Variants in PRPF8 observed in about 807,000 individuals in gnomAD.
PRPF8 encodes the protein pre-mRNA-processing-splicing factor 8.
PRPF8 carries 64 observed loss-of-function variants against 285.9 expected under a neutral mutation model. That is an observed-to-expected ratio of 0.22 (90% CI 0.18 to 0.28). The LOEUF is 0.28. Among genes scored for constraint, PRPF8 ranks in the 10% least tolerant of loss-of-function variants. The pLI, the probability that PRPF8 is intolerant of heterozygous loss-of-function variation, is 1.00. For missense variants in PRPF8, 1,426 were observed against 3,026.7 expected (o/e 0.47, Z 12.41); for synonymous variants, 1,325 against 1,118.2 (o/e 1.18, Z -3.69).
Position 1,682,038 on chromosome 17 carries a change from C to T in PRPF8, c.435G>A (p.Gly145=), listed in dbSNP as rs1045076287. 1.2e-6 allele frequency: 2 copies of T among 1,613,870 alleles called. No homozygotes were observed. Among genetic ancestry groups the T allele is most frequent in the Non-Finnish European group, 1.7e-6 (2 of 1,180,012 alleles). The change falls in exon 5 of 43, where the codon GGG becomes GGA. Residue 145 remains glycine (G), a splice_region_variant and synonymous_variant. Transcript: ENST00000304992. ...CTCGGCGCATCATAATCCACATTGACCTGGAAGGCAAGACATCACACAACC... is the reference window on the plus strand; with the variant it reads ...CTCGGCGCATCATAATCCACATTGATCTGGAAGGCAAGACATCACACAACC... The part of the protein sequence containing the change: ...VIEPVYISQW[G]SMWIMMRREK...
At chr17:1,657,041 G>A (rs371265647) in intron 34 of PRPF8, among the ~76,000 whole-genome samples, 1 of 152,076 alleles carries the variant, frequency 6.6e-6, no homozygotes, top group Non-Finnish European at 1.5e-5. Flanking sequence ...AAGGCTACTA[G>A]GATCAGAAAA....
chr17:1,681,605 T>A lies in PRPF8; in HGVS notation c.739A>T (p.Thr247Ser). ...TLYRLANQLL[T>S]DLVDDNYFYL... ...AAGTAGTTGTCATCCACCAAGTCTG[T>A]CAGGAGCTGATTAGCCAGGCGGTAG... The change falls in exon 6 of 43, where the codon ACA (threonine) becomes TCA (serine). Residue 247 changes from threonine (T) to serine (S), a missense_variant. Thr to Ser is a moderately conservative substitution (Grantham distance 58, BLOSUM62 1). Transcript: ENST00000304992. 1 of 1,614,038 alleles carries A rather than the reference T, an allele frequency of 6.2e-7. No individual in the cohort carries two copies.
Position 1,684,521 on chromosome 17 carries a change from A to C in PRPF8, c.51T>G (p.Pro17=), listed in dbSNP as rs1913128852. 1 of 1,612,452 alleles carries C rather than the reference A, an allele frequency of 6.2e-7. No homozygotes were observed. The highest frequency in any genetic ancestry group is 1.7e-5 in the Admixed American group (1 of 60,004). ...ACATGTAGTCCGGTAGCGGGGCTAG[A>C]GGGCCAGGCACCGGGTTACCCGGCC... The part of the protein sequence containing the change: ...YRGPGNPVPG[P]LAPLPDYMSE... Residue 17 remains proline (P), a synonymous_variant, in exon 2 of 43, where the codon CCT becomes CCG. Coordinates refer to ENST00000304992, the MANE Select transcript of PRPF8 (RefSeq NM_006445.4).
In PRPF8 at chr17:1,673,983, C is replaced by T. The variant is rs1365962583; in HGVS notation, c.3300-91G>A. On this transcript the variant is annotated intron_variant, in intron 21 of 42. Coordinates refer to ENST00000304992, the MANE Select transcript of PRPF8 (RefSeq NM_006445.4). The surrounding 1 kb of genome is among the most constrained non-coding windows in gnomAD (Gnocchi z 5.5). Reference sequence around the variant, plus strand: ...CCAGCTCAATAGACGGAGACCCCACCCCATCCTACCCCCACCCTCCCCGGG... The same window carrying T: ...CCAGCTCAATAGACGGAGACCCCACTCCATCCTACCCCCACCCTCCCCGGG... The T allele has an allele frequency of 2.1e-5, 29 of 1,394,028 alleles. No homozygotes were observed. Among genetic ancestry groups the T allele is most frequent in the Non-Finnish European group, 2.9e-5 (29 of 996,218 alleles). The allele number at this position is 1,394,028 out of a possible 1,614,324, so 86.4% of individuals were successfully genotyped here. A position where few individuals can be genotyped will look rare whatever the true frequency, so the allele number is the denominator to read the frequency against.
At chr17:1,684,425 A>G (rs751976476) in intron 2 of PRPF8, 47 bp downstream of exon 2, 1 of 1,602,834 alleles carries the variant, frequency 6.2e-7, no homozygotes, top group Non-Finnish European at 8.5e-7. Context: ...GCGCGCGCAC[A>G]CCCGCCCCGC....
In PRPF8 at chr17:1,679,594, A is replaced by G. The variant is rs759548926; in HGVS notation, c.1289+15T>C. The G allele has an allele frequency of 3.7e-6, 6 of 1,612,676 alleles. No individual in the cohort carries two copies. The highest frequency in any genetic ancestry group is 5.1e-6 in the Non-Finnish European group (6 of 1,179,852). ...CATCCACTATCATTCCCCCTGCCAC[A>G]GGGAAAAACCTTACCAGTTCTTGAC... On this transcript the variant is annotated intron_variant, in intron 9 of 42. Coordinates refer to ENST00000304992, the MANE Select transcript of PRPF8 (RefSeq NM_006445.4). The surrounding 1 kb of genome is among the most constrained non-coding windows in gnomAD (Gnocchi z 4.7).
At chr17:1,652,591 G>A (rs2151110460) in intron 39 of PRPF8, 1 of 154,048 alleles carries the variant, frequency 6.5e-6, no homozygotes, top group South Asian at 2.0e-4. Flanking sequence ...TGTCACCCAG[G>A]CTAGCAGGCA....
In PRPF8 at chr17:1,676,358, T is replaced by C. The variant is rs1405401561; in HGVS notation, c.2401A>G (p.Ile801Val). Residue 801 changes from isoleucine (I) to valine (V), a missense_variant, in exon 17 of 43, where the codon ATC (isoleucine) becomes GTC (valine). This residue lies in a region of PRPF8 where 70 missense variants were observed against 273.7 expected (regional missense o/e 0.26). Coordinates refer to ENST00000304992, the MANE Select transcript of PRPF8 (RefSeq NM_006445.4). The surrounding 1 kb of genome is among the most constrained non-coding windows in gnomAD (Gnocchi z 6.3). ...ACTGCCACTGCTTCCTCCGCTGTGA[T>C]GTAAGGCCCGTCCTGTAAGGTGGAC... Reference protein sequence around the residue: ...QHNYLKDGPYITAEEAVAVYT... With the variant: ...QHNYLKDGPYVTAEEAVAVYT... The C allele has an allele frequency of 1.9e-6, 3 of 1,614,074 alleles. No individual in the cohort carries two copies. Among genetic ancestry groups the C allele is most frequent in the Admixed American group, 1.7e-5 (1 of 60,002 alleles).
intron 24 of PRPF8, among the ~76,000 whole-genome samples, chr17:1,668,240 G>C (rs1445740593): frequency 6.6e-6 from 1 of 151,766 alleles, no homozygotes; most frequent in African/African-American, 2.4e-5. Flanking sequence ...CCACTCCTCA[G>C]CCTCTAACTT....
rs771125934 is a variant in PRPF8 at position 1,675,822 on chromosome 17, A to T, written c.2680-10T>A. The T allele has an allele frequency of 6.2e-7, 1 of 1,614,184 alleles. No individual in the cohort carries two copies. Among genetic ancestry groups the T allele is most frequent in the Non-Finnish European group, 8.5e-7 (1 of 1,180,016 alleles). On this transcript the variant is annotated splice_polypyrimidine_tract_variant and intron_variant, in intron 18 of 42. Transcript: ENST00000304992. This position sits in a 1 kb window ranked among gnomAD's most constrained non-coding sequence, Gnocchi z 6.0. ...TGAACTCAATGCCCACCTGTGGGAC[A>T]AGGAGGCTGGTTCACACCAATCCAC...
chr17:1,652,002 G>A (rs1911102430), intron 39 of PRPF8: 1 of 662,324 alleles, frequency 1.5e-6, no homozygotes, highest in East Asian at 2.7e-5. Flanking sequence ...CTCCTGAGTG[G>A]GGTCCAGGAA....
chr17:1,669,261 C>T (rs960500796), intron 24 of PRPF8, among the ~76,000 whole-genome samples: 5 of 152,278 alleles, frequency 3.3e-5, no homozygotes, highest in South Asian at 2.1e-4. Flanking sequence ...CACCCGCCAC[C>T]GCGCCTGGCT....
chr17:1,659,798 G>GA lies in PRPF8; in HGVS notation c.4946+42dup, dbSNP rs781424166. 2.1e-5 allele frequency: 33 copies of GA among 1,605,840 alleles called. No homozygotes were observed. In the South Asian group the frequency reaches 2.4e-4, roughly 12 times the overall value. On this transcript the variant is annotated intron_variant, in intron 31 of 42. Transcript: ENST00000304992. This position sits in a 1 kb window ranked among gnomAD's most constrained non-coding sequence, Gnocchi z 5.1. ...TGCAGGGCTAGAAGAACAGGAAAAC[G>GA]AAAGTGTCCTGGCTGCCTAGGGCTG...
chr17:1,657,489 CA>C (rs1177972456), intron 34 of PRPF8, among the ~76,000 whole-genome samples: 1 of 150,938 alleles, frequency 6.6e-6, no homozygotes, highest in East Asian at 2.0e-4. Context: ...ACTAAAAATA[CA>C]AAAAATTTAG....
chr17:1,672,813 A>G, intron 24 of PRPF8: 1 of 566,910 alleles, frequency 1.8e-6, no homozygotes, highest in Non-Finnish European at 3.2e-6. Context: ...TTCTGTTCAA[A>G]ATAATAAATC....
At chr17:1,670,166 T>C (rs1567684915) in intron 24 of PRPF8, among the ~76,000 whole-genome samples, 1 of 152,204 alleles carries the variant, frequency 6.6e-6, no homozygotes, top group Non-Finnish European at 1.5e-5. Context: ...TGTACTTAAA[T>C]ATGTATCTTG....
At chr17:1,657,516 G>A (rs1438136724) in intron 34 of PRPF8, among the ~76,000 whole-genome samples, 1 of 151,422 alleles carries the variant, frequency 6.6e-6, no homozygotes, top group African/African-American at 2.4e-5. Flanking sequence ...CGTGGTGGCG[G>A]GCACCTGTAG....
chr17:1,673,041 G>A lies in PRPF8; in HGVS notation c.3774+40C>T, dbSNP rs745923334. 1.3e-5 allele frequency: 21 copies of A among 1,569,690 alleles called. No homozygotes were observed. Among genetic ancestry groups the A allele is most frequent in the South Asian group, 2.2e-5 (2 of 90,228 alleles). ...AGGGGTGTGAAATGAGCAGAGGACA[G>A]CAGAGGACAAGAGGGAAGCTGGGCA... On this transcript the variant is annotated intron_variant, in intron 24 of 42. Transcript: ENST00000304992. This position sits in a 1 kb window ranked among gnomAD's most constrained non-coding sequence, Gnocchi z 5.5.
At position 1,681,679 on chromosome 17, in the gene PRPF8, C is replaced by T; in HGVS notation, c.665G>A (p.Gly222Asp). The T allele has an allele frequency of 3.1e-6, 5 of 1,614,042 alleles. No homozygotes were observed. Among genetic ancestry groups the T allele is most frequent in the Non-Finnish European group, 3.4e-6 (4 of 1,180,000 alleles). ...PLRDSRKYVNGSTYQRWQFTL... is the reference protein window; with the variant it reads ...PLRDSRKYVNDSTYQRWQFTL... ...GAACTGCCAGCGCTGGTAAGTGGAGCCATTTACATACCTAGGTAAAAAATG... is the reference window on the plus strand; with the variant it reads ...GAACTGCCAGCGCTGGTAAGTGGAGTCATTTACATACCTAGGTAAAAAATG... Residue 222 changes from glycine (G) to aspartate (D), a missense_variant, in exon 6 of 43, where the codon GGC becomes GAC. Gly to Asp is a moderately conservative substitution (Grantham distance 94). Around this residue, in one of 34 missense-constraint regions of PRPF8, gnomAD observed 157 missense variants for 159.6 expected, o/e 0.98. Transcript: ENST00000304992.
Sources: gnomAD v4.1 joint callset for allele counts (sites outside exome capture counted in the v4.1 genomes callset) on GRCh38, gnomAD v4.1.1 for gene constraint, gnomAD v4.1.1 regional missense constraint, Gnocchi (gnomAD v3.1) non-coding constraint, MANE v1.5 for transcripts, NCBI Gene and HGNC (gene_info 2026-07-23, HGNC 2026-07-21) for gene names.